Variants in HIRA observed in about 807,000 individuals in gnomAD.
HIRA encodes histone cell cycle regulator.
HIRA carries 13 observed loss-of-function variants against 126.6 expected under a neutral mutation model. The observed-to-expected ratio is 0.10, with a 90% CI of 0.07 to 0.16. HIRA has a LOEUF of 0.16. Ranked by LOEUF, HIRA falls within the 10% of genes least tolerant of loss-of-function variation. The probability of loss-of-function intolerance (pLI) is 1.00; values close to 1 mark genes in which losing one functional copy is unlikely to be tolerated. For missense variants in HIRA, 834 were observed against 1,314.4 expected, an observed-to-expected ratio of 0.63 and a Z score of 5.65; for synonymous variants, 511 against 520.0, an observed-to-expected ratio of 0.98 and a Z score of 0.24.
At chr22:19,387,584 C>A in intron 11 of HIRA, 127 bp downstream of exon 11, 1 of 627,068 alleles carries the variant, frequency 1.6e-6, no homozygotes, top group South Asian at 2.0e-5. Flanking sequence ...AGATGAATAC[C>A]CCATTACATG....
chr22:19,400,628 G>C (rs148335770), intron 5 of HIRA, among the ~76,000 whole-genome samples: 4 of 152,186 alleles, frequency 2.6e-5, no homozygotes, highest in African/African-American at 9.6e-5. Context: ...TCTGTCTTCA[G>C]ACTATATAGC....
intron 1 of HIRA, among the ~76,000 whole-genome samples, chr22:19,424,575 CCTT>C (rs1380034969): frequency 1.3e-5 from 2 of 152,158 alleles, no homozygotes; most frequent in African/African-American, 4.8e-5. Flanking sequence ...TGAAAGCTGT[CCTT>C]CTGAGGAGGA....
rs1227243916 is a variant in HIRA at position 19,348,625 on chromosome 22, A to G, written c.2937+2733T>C. 2.0e-5 allele frequency among the ~76,000 whole-genome samples: 3 copies of G among 151,730 alleles called. No homozygotes were observed. In the East Asian group the frequency reaches 5.8e-4, roughly 29 times the overall value. ...ATTCTCCTGCCTCAGCCTCCCAAGT[A>G]GCTGGGATTACAGGTGCCCGCCACC... On this transcript the variant is annotated intron_variant, in intron 24 of 24. Transcript: ENST00000263208.
intron 1 of HIRA, among the ~76,000 whole-genome samples, chr22:19,420,040 T>TTG (rs59900884): frequency 0.044 from 6,548 of 147,190 alleles, 139 homozygotes; most frequent in East Asian, 0.067. Context: ...CATACAACCA[T>TTG]TGTGTGTGTG....
At chr22:19,379,522 G>C (rs1175769060) in intron 13 of HIRA, among the ~76,000 whole-genome samples, 1 of 150,650 alleles carries the variant, frequency 6.6e-6, no homozygotes, top group Non-Finnish European at 1.5e-5. Context: ...CTACTTGGGA[G>C]GCTGAGGCAG....
intron 1 of HIRA, among the ~76,000 whole-genome samples, chr22:19,411,157 T>A (rs1408637920): frequency 3.9e-5 from 6 of 152,240 alleles, no homozygotes; most frequent in Admixed American, 1.3e-4. Context: ...GGCTGACAGC[T>A]GAGCAGGACC....
intron 15 of HIRA, among the ~76,000 whole-genome samples, chr22:19,373,762 C>T (rs1241264528): frequency 6.6e-6 from 1 of 151,922 alleles, no homozygotes; most frequent in Non-Finnish European, 1.5e-5. Flanking sequence ...CCCAGGTCTG[C>T]CTCAGTCCTT....
chr22:19,356,801 T>G, intron 19 of HIRA, 89 bp downstream of exon 19: 1 of 1,335,392 alleles, frequency 7.5e-7, no homozygotes, highest in South Asian at 1.3e-5. Flanking sequence ...CCTTGTCCAC[T>G]GCCTTCCCTG....
chr22:19,376,419 A>T (rs1368511673), intron 14 of HIRA, among the ~76,000 whole-genome samples: 2 of 152,140 alleles, frequency 1.3e-5, no homozygotes, highest in Non-Finnish European at 2.9e-5. Context: ...CTTTGGGACC[A>T]TGGCCACTGG....
intron 24 of HIRA, among the ~76,000 whole-genome samples, chr22:19,337,946 C>G (rs1556006439): frequency 6.6e-6 from 1 of 152,106 alleles, no homozygotes; most frequent in African/African-American, 2.4e-5. Context: ...CCCCTGCCAC[C>G]AGGCCTGGAT....
At chr22:19,383,481 G>A in intron 13 of HIRA, 139 bp downstream of exon 13, 1 of 700,746 alleles carries the variant, frequency 1.4e-6, no homozygotes, top group Non-Finnish European at 2.5e-6. Flanking sequence ...GGGAAGCTGA[G>A]CTTCACTTCC....
chr22:19,423,271 A>T (rs1394877051), intron 1 of HIRA, among the ~76,000 whole-genome samples: 2 of 151,846 alleles, frequency 1.3e-5, no homozygotes, highest in Non-Finnish European at 2.9e-5. Flanking sequence ...AATTCACAGG[A>T]TCTTGTTTGT....
chr22:19,361,192 G>A, intron 17 of HIRA, 45 bp downstream of exon 17: 1 of 1,401,416 alleles, frequency 7.1e-7, no homozygotes, highest in Non-Finnish European at 1.0e-6. Flanking sequence ...GACAGAGAAT[G>A]TCTGGGTGTG....
chr22:19,353,557 G>A (rs2088780045), intron 22 of HIRA, 38 bp from the exon 23 acceptor site: 2 of 1,555,854 alleles, frequency 1.3e-6, no homozygotes, highest in Non-Finnish European at 1.7e-6. Flanking sequence ...TGGGGCAGCA[G>A]GCACTACACA....
intron 15 of HIRA, among the ~76,000 whole-genome samples, chr22:19,364,193 T>C (rs537723587): frequency 1.3e-5 from 2 of 149,038 alleles, no homozygotes; most frequent in African/African-American, 4.9e-5. Context: ...GAGAAAGACA[T>C]GCCATGATAA....
chr22:19,413,478 A>C (rs1423696683), intron 1 of HIRA, among the ~76,000 whole-genome samples: 1 of 151,988 alleles, frequency 6.6e-6, no homozygotes, highest in African/African-American at 2.4e-5. Context: ...ATTAGATGAA[A>C]TATGGTAGGG....
intron 13 of HIRA, among the ~76,000 whole-genome samples, chr22:19,382,609 G>A (rs1052738729): frequency 3.3e-5 from 5 of 152,166 alleles, no homozygotes; most frequent in Non-Finnish European, 5.9e-5. Context: ...GGAATAGCTC[G>A]TGGATGGACA....
chr22:19,349,962 TC>T (rs2088736422), intron 24 of HIRA, among the ~76,000 whole-genome samples: 1 of 152,094 alleles, frequency 6.6e-6, no homozygotes, highest in Non-Finnish European at 1.5e-5. Flanking sequence ...TCTCTGCTTA[TC>T]TGTTTGTTTG....
intron 12 of HIRA, among the ~76,000 whole-genome samples, chr22:19,384,116 G>C (rs552332231): frequency 3.3e-5 from 5 of 152,036 alleles, no homozygotes; most frequent in South Asian, 2.1e-4. Context: ...TCAGGAGATC[G>C]AGACCATTCT....
Sources: gnomAD v4.1 joint callset for allele counts (sites outside exome capture counted in the v4.1 genomes callset) on GRCh38, gnomAD v4.1.1 for gene constraint, MANE v1.5 for transcripts, NCBI Gene and HGNC (gene_info 2026-07-23, HGNC 2026-07-21) for gene names.